The following TSEN34 variants were observed in gnomAD, a reference collection of about 807,000 sequenced individuals.
TSEN34 encodes tRNA splicing endonuclease subunit 34, also known as tRNA-splicing endonuclease subunit Sen34.
A neutral mutation model predicts 30.2 loss-of-function variants in TSEN34; 25 were observed. The ratio of observed to expected loss-of-function variants is 0.83; its 90% CI spans 0.60 to 1.16. The LOEUF (loss-of-function observed/expected upper bound fraction) is 1.16, where lower values mean the gene tolerates loss of function less well. Ranked by LOEUF, TSEN34 falls within the 50% of genes most tolerant of loss-of-function variation. The probability of loss-of-function intolerance (pLI) is 0.00; values close to 1 mark genes in which losing one functional copy is unlikely to be tolerated. For synonymous variants in TSEN34, 209 were observed against 177.4 expected (o/e 1.18, Z -1.41); for missense variants, 475 against 411.9 (o/e 1.15, Z -1.33).
rs975010591 is a variant in TSEN34, at chr19:54,194,152, T to C, written c.*790T>C. The C allele has an allele frequency of 9.0e-5, 15 of 166,136 alleles. No homozygotes were observed. The highest frequency in any genetic ancestry group is 1.7e-4 in the Admixed American group (3 of 17,576). 10.3% of individuals were successfully genotyped at this position (166,136 alleles called of 1,614,324 possible). A position where few individuals can be genotyped will look rare whatever the true frequency, so the allele number is the denominator to read the frequency against. ...CAGCCTGGGAGACAGAGCAAGAACCTGTCTCAAAAAATATATATATGTGTG... is the reference window on the plus strand; with the variant it reads ...CAGCCTGGGAGACAGAGCAAGAACCCGTCTCAAAAAATATATATATGTGTG... On this transcript the variant is annotated 3_prime_UTR_variant, in exon 4 of 4. Coordinates refer to ENST00000396388, the MANE Select transcript of TSEN34 (RefSeq NM_001077446.4).
At chr19:54,190,451 G>C, upstream of TSEN34, 2 of 1,417,950 alleles carry the variant, frequency 1.4e-6, no homozygotes, top group Non-Finnish European at 1.8e-6. Flanking sequence ...CCCAATTGGG[G>C]TGAGCCCGCC....
In TSEN34 at chr19:54,192,169, T is replaced by A. The variant is rs1413136455; in HGVS notation, c.541T>A (p.Ser181Thr). 1.2e-6 allele frequency: 2 copies of A among 1,614,184 alleles called. No individual in the cohort carries two copies. Among genetic ancestry groups the A allele is most frequent in the Non-Finnish European group, 1.7e-6 (2 of 1,180,026 alleles). Residue 181 changes from serine (S) to threonine (T), a missense_variant, in exon 3 of 4, where the codon TCT becomes ACT. Physicochemically the swap from Ser to Thr is moderately conservative, Grantham distance 58. Transcript: ENST00000396388. ...PSNGVAPLPR[S>T]ALLVQLATAR... ...AAATGGGGTAGCCCCCTTGCCCAGA[T>A]CTGCTCTCCTTGTCCAGCTGGCCAC...
Position 54,191,372 on chromosome 19 carries a change from T to C in TSEN34, c.8T>C (p.Val3Ala), listed in dbSNP as rs1350001467. The change falls in exon 1 of 4, where the codon GTG becomes GCG. Residue 3 changes from valine (V) to alanine (A), a missense_variant. Physicochemically the swap from Val to Ala is moderately conservative, Grantham distance 64. Coordinates refer to ENST00000396388, the MANE Select transcript of TSEN34 (RefSeq NM_001077446.4). The stretch of plus-strand genomic sequence containing the variant: ...CCCGGCTCCCGCAGGAGGATGCTGG[T>C]GGTGGAGGTGGCGAACGGCCGCTCC... ML[V>A]VEVANGRSLV... 1 of 1,549,608 alleles carries C rather than the reference T, an allele frequency of 6.5e-7. No homozygotes were observed. The highest frequency in any genetic ancestry group is 8.7e-7 in the Non-Finnish European group (1 of 1,147,058).
At chr19:54,191,109 G>A (rs551672950), upstream of TSEN34, 99 of 1,335,296 alleles carry the variant, frequency 7.4e-5, 1 homozygote, top group South Asian at 1.6e-3. Flanking sequence ...GACCCTGGGG[G>A]CTTGGCGAGG....
In TSEN34 at chr19:54,191,722, C is replaced by T; in HGVS notation, c.245C>T (p.Ala82Val). 6.2e-7 allele frequency: 1 copy of T among 1,613,920 alleles called. No homozygotes were observed. Residue 82 changes from alanine (A) to valine (V), a missense_variant and splice_region_variant, in exon 2 of 4, where the codon GCC becomes GTC. Coordinates refer to ENST00000396388, the MANE Select transcript of TSEN34 (RefSeq NM_001077446.4). ...GTTCCAGCGAAGTGTGCTTCTCAGG[C>T]CCTGACATCCTTCAAGCGCCAGCAA... ...PRPDSRHHSLALTSFKRQQEE... is the reference protein window; with the variant it reads ...PRPDSRHHSLVLTSFKRQQEE...
chr19:54,192,400 G>A (rs749714610), intron 3 of TSEN34, 27 bp downstream of exon 3: 1 of 1,613,524 alleles, frequency 6.2e-7, no homozygotes, highest in Non-Finnish European at 8.5e-7. Flanking sequence ...GCCTCTGGTT[G>A]CTGTGCCTTT....
At chr19:54,189,692 T>G, upstream of TSEN34, 1 of 153,082 alleles carries the variant, frequency 6.5e-6, no homozygotes, top group Non-Finnish European at 1.5e-5. Context: ...GGAGGCGGGG[T>G]CTGGAGCTCG....
At chr19:54,191,650 C>G (rs2076705704) in intron 1 of TSEN34, 43 bp downstream of exon 1, 13 of 1,609,022 alleles carry the variant, frequency 8.1e-6, no homozygotes, top group Admixed American at 1.7e-5. Context: ...GGGAGCGGGA[C>G]CTGGGAGTCA....
rs138586360 is a variant in TSEN34, at chr19:54,191,791, G to A, written c.314G>A (p.Arg105Gln). The change falls in exon 2 of 4, where the codon CGG becomes CAG. Residue 105 changes from arginine to glutamine, a missense_variant. By Grantham distance (43) the Arg-to-Gln change is conservative. Coordinates refer to ENST00000396388, the MANE Select transcript of TSEN34 (RefSeq NM_001077446.4). ...QEQSALAAEA[R>Q]ETRRQELLEK... ...CAGAGCGCCTTGGCAGCTGAGGCCC[G>A]GGAGACCCGTCGTCAGGAGCTCCTG... The A allele has an allele frequency of 2.3e-4, 377 of 1,614,184 alleles. 1 individual carries two copies. In the East Asian group the frequency reaches 7.7e-3, roughly 33 times the overall value.
rs1264989355 is a variant in TSEN34, at chr19:54,191,385, G to A, written c.21G>A (p.Ala7=). The change falls in exon 1 of 4, where the codon GCG becomes GCA. Residue 7 remains alanine (A), a synonymous_variant. Coordinates refer to ENST00000396388, the MANE Select transcript of TSEN34 (RefSeq NM_001077446.4). ...GGAGGATGCTGGTGGTGGAGGTGGC[G>A]AACGGCCGCTCCCTGGTGTGGGGAG... MLVVEV[A]NGRSLVWGAE... The A allele has an allele frequency of 2.3e-5, 35 of 1,549,672 alleles. No individual in the cohort carries two copies. The highest frequency in any genetic ancestry group is 2.6e-5 in the Non-Finnish European group (30 of 1,147,090).
chr19:54,191,210 C>T, upstream of TSEN34: 1 of 1,402,852 alleles, frequency 7.1e-7, no homozygotes, highest in Non-Finnish European at 9.2e-7. Context: ...GGCGCTCGGG[C>T]CCAGCAGGTG....
intron 3 of TSEN34, 150 bp from the exon 4 acceptor site, chr19:54,193,025 A>G (rs2076764876): frequency 8.1e-7 from 1 of 1,236,210 alleles, no homozygotes; most frequent in African/African-American, 1.5e-5. Context: ...AAAAAAGCCT[A>G]GAAGTGGAAT....
chr19:54,189,512 A>C (rs2076572658), upstream of TSEN34: 1 of 152,600 alleles, frequency 6.6e-6, no homozygotes, highest in African/African-American at 2.4e-5. Context: ...CCGGGCGGGC[A>C]GGGAAGAAGC....
At chr19:54,190,848 G>A (rs774125360), upstream of TSEN34, 2 of 1,052,430 alleles carry the variant, frequency 1.9e-6, no homozygotes, top group Non-Finnish European at 2.3e-6. Flanking sequence ...AAGAGGAGGA[G>A]CGAAGGCTCG....
upstream of TSEN34, chr19:54,190,041 C>T (rs2076603891): frequency 5.7e-6 from 3 of 529,744 alleles, no homozygotes; most frequent in Non-Finnish European, 6.7e-6. Context: ...TACAAGGGGG[C>T]GGGGCGAAAG....
chr19:54,191,638 G>C (rs751414263), intron 1 of TSEN34, 31 bp downstream of exon 1: 5 of 1,607,334 alleles, frequency 3.1e-6, no homozygotes, highest in African/African-American at 1.3e-5. Context: ...CTCGGGTTCG[G>C]TGGGAGCGGG....
rs142185185 is a variant in TSEN34 at position 54,191,938 on chromosome 19, A to C, written c.461A>C (p.Gln154Pro). 3.8e-5 allele frequency: 61 copies of C among 1,614,146 alleles called. No homozygotes were observed. In the East Asian group the frequency reaches 8.7e-4, roughly 23 times the overall value. Residue 154 changes from glutamine (Q) to proline (P), a missense_variant, in exon 2 of 4, where the codon CAG becomes CCG. By Grantham distance (76) the Gln-to-Pro change is moderately conservative. Transcript: ENST00000396388. ...AAAGAGGATGAGACCAGTGATGGCCAGGCTTCGGGAGAGCAGGAGGAAGCT... is the reference window on the plus strand; with the variant it reads ...AAAGAGGATGAGACCAGTGATGGCCCGGCTTCGGGAGAGCAGGAGGAAGCT... ...AAKEDETSDGQASGEQEEAGP... is the reference protein window; with the variant it reads ...AAKEDETSDGPASGEQEEAGP...
chr19:54,190,995 CCGCGCTT>C, upstream of TSEN34: 1 of 1,114,792 alleles, frequency 9.0e-7, no homozygotes, highest in Non-Finnish European at 1.1e-6. Context: ...GGGCGTGTCG[CCGCGCTT>C]GCGGAGGTTT....
chr19:54,191,713 C>T lies in TSEN34; in HGVS notation c.244-8C>T. ...AGCTTGGAGGTTCCAGCGAAGTGTG[C>T]TTCTCAGGCCCTGACATCCTTCAAG... On this transcript the variant is annotated splice_region_variant and splice_polypyrimidine_tract_variant and intron_variant, in intron 1 of 3. Transcript: ENST00000396388. The T allele has an allele frequency of 6.8e-6, 11 of 1,613,916 alleles. No homozygotes were observed. The highest frequency in any genetic ancestry group is 1.3e-5 in the African/African-American group (1 of 75,072).
Sources: gnomAD v4.1 joint callset for allele counts on GRCh38, gnomAD v4.1.1 for gene constraint, MANE v1.5 for transcripts, NCBI Gene and HGNC (gene_info 2026-07-23, HGNC 2026-07-21) for gene names.